Variants in WWOX observed in about 807,000 individuals in gnomAD.
The protein encoded by WWOX is WW domain containing oxidoreductase.
Under a neutral mutation model 46.2 loss-of-function variants are expected in WWOX, and 69 were observed. The observed-to-expected ratio is 1.49, with a 90% confidence interval of 1.23 to 1.82. The LOEUF (loss-of-function observed/expected upper bound fraction) is 1.82, where lower values mean the gene tolerates loss of function less well. Ranked by LOEUF, WWOX falls within the 40% of genes most tolerant of loss-of-function variation. WWOX has a pLI of 0.00. For missense variants in WWOX, 919 were observed against 542.6 expected (o/e 1.69, Z -6.89); for synonymous variants, 359 against 202.6 (o/e 1.77, Z -6.56).
At chr16:79,051,251 G>T (rs981342169) in intron 8 of WWOX, among the ~76,000 whole-genome samples, 2 of 152,300 alleles carry the variant, frequency 1.3e-5, no homozygotes, top group Admixed American at 1.3e-4. Flanking sequence ...TTTTTCTTGG[G>T]AAGTGGACTC....
At chr16:78,890,845 G>A (rs1304152824) in intron 8 of WWOX, 3 of 152,184 alleles carry the variant, frequency 2.0e-5, no homozygotes, top group African/African-American at 7.2e-5. Flanking sequence ...TTAGTAAAAT[G>A]CGTTCATAGC....
intron 8 of WWOX, among the ~76,000 whole-genome samples, chr16:78,828,924 G>A (rs78779807): frequency 5.9e-5 from 9 of 152,258 alleles, no homozygotes; most frequent in African/African-American, 2.2e-4. Flanking sequence ...TAGAGATAAG[G>A]TAATCAAAAC....
chr16:78,503,831 C>A (rs1258232868), intron 8 of WWOX: 2 of 152,180 alleles, frequency 1.3e-5, no homozygotes, highest in African/African-American at 4.8e-5. Flanking sequence ...TCTTTTTCCT[C>A]TCTAGCAAAC....
rs574929214 is a variant in WWOX at position 78,454,485 on chromosome 16, G to GTT, written c.1056+21734_1056+21735insTT. Among the ~76,000 whole-genome samples, 52 of 145,814 alleles carry GTT rather than the reference G, an allele frequency of 3.6e-4. No homozygotes were observed. In the South Asian group the frequency reaches 0.011, roughly 31 times the overall value. On this transcript the variant is annotated intron_variant, in intron 8 of 8. Coordinates refer to ENST00000566780, the MANE Select transcript of WWOX (RefSeq NM_016373.4). ...TTTTTTTCCCCTAGGTTGTGTTTTT[G>GTT]TGTTTTTGTTTGTTTGTTTGTTTCT...
chr16:78,253,746 C>T (rs2038045523), intron 5 of WWOX, among the ~76,000 whole-genome samples: 1 of 152,108 alleles, frequency 6.6e-6, no homozygotes, highest in Admixed American at 6.6e-5. Context: ...CTTAGAGCAG[C>T]ATAAACAACA....
intron 8 of WWOX, among the ~76,000 whole-genome samples, chr16:78,669,943 T>C (rs148578030): frequency 6.6e-6 from 1 of 152,288 alleles, no homozygotes; most frequent in Non-Finnish European, 1.5e-5. Flanking sequence ...ATAGAACAAG[T>C]CCTCTCAAAA....
At chr16:78,398,600 A>T (rs896781781) in intron 6 of WWOX, among the ~76,000 whole-genome samples, 1 of 152,260 alleles carries the variant, frequency 6.6e-6, no homozygotes, top group South Asian at 2.1e-4. Flanking sequence ...TACTTCGGGG[A>T]TGCTTTTTTC....
At chr16:79,049,675 A>G (rs545517034) in intron 8 of WWOX, among the ~76,000 whole-genome samples, 1 of 152,170 alleles carries the variant, frequency 6.6e-6, no homozygotes, top group African/African-American at 2.4e-5. Context: ...GTCTCTACTA[A>G]AAATACAAAA....
At chr16:78,626,548 C>A (rs1189155523) in intron 8 of WWOX, among the ~76,000 whole-genome samples, 4 of 152,182 alleles carry the variant, frequency 2.6e-5, no homozygotes, top group Non-Finnish European at 5.9e-5. Context: ...ATTCCACCTT[C>A]ATCATGACTC....
intron 8 of WWOX, among the ~76,000 whole-genome samples, chr16:78,840,518 A>G (rs2052110296): frequency 6.6e-6 from 1 of 152,214 alleles, no homozygotes; most frequent in African/African-American, 2.4e-5. Context: ...CTACAGAGCC[A>G]GTGGTTTATT....
chr16:78,829,802 A>G (rs1356245636), intron 8 of WWOX, among the ~76,000 whole-genome samples: 1 of 151,980 alleles, frequency 6.6e-6, no homozygotes, highest in Non-Finnish European at 1.5e-5. Context: ...CAAAATTGGA[A>G]CTCCTAATTC....
intron 3 of WWOX, among the ~76,000 whole-genome samples, chr16:78,110,779 G>A (rs950549058): frequency 1.3e-5 from 2 of 152,244 alleles, no homozygotes; most frequent in African/African-American, 4.8e-5. Flanking sequence ...CTAGCTTACT[G>A]CCAGTGACAC....
chr16:78,665,833 C>G (rs1376589827), intron 8 of WWOX, among the ~76,000 whole-genome samples: 1 of 152,128 alleles, frequency 6.6e-6, no homozygotes, highest in East Asian at 1.9e-4. Context: ...TACAGGCATG[C>G]ACCACCATGC....
intron 8 of WWOX, among the ~76,000 whole-genome samples, chr16:78,787,108 A>C (rs1470701294): frequency 6.6e-6 from 1 of 152,204 alleles, no homozygotes; most frequent in Non-Finnish European, 1.5e-5. Context: ...AGATTGCACC[A>C]CTGGACTCCA....
In WWOX at chr16:78,771,578, C is replaced by T. The variant is rs373639624; in HGVS notation, c.1056+338826C>T. ...CTTGAGGTCAGGAGTTCGAGACCAG[C>T]CTGGCCAGCATGGTGAAACCCCGTT... On this transcript the variant is annotated intron_variant, in intron 8 of 8. Coordinates refer to ENST00000566780, the MANE Select transcript of WWOX (RefSeq NM_016373.4). 1.5e-3 allele frequency among the ~76,000 whole-genome samples: 222 copies of T among 152,152 alleles called. 1 individual carries two copies. Among genetic ancestry groups the T allele is most frequent in the African/African-American group, 4.7e-3 (196 of 41,504 alleles).
At chr16:79,085,204 T>C (rs2048832478) in intron 8 of WWOX, among the ~76,000 whole-genome samples, 1 of 152,248 alleles carries the variant, frequency 6.6e-6, no homozygotes, top group Non-Finnish European at 1.5e-5. Context: ...TCTCTCTCTC[T>C]TTCTCTCACT....
chr16:78,440,574 A>G (rs1434575080), intron 8 of WWOX, among the ~76,000 whole-genome samples: 1 of 151,888 alleles, frequency 6.6e-6, no homozygotes, highest in Non-Finnish European at 1.5e-5. Flanking sequence ...TCTTCATAAC[A>G]TTGAACACAA....
chr16:78,503,088 G>C (rs1480496174), intron 8 of WWOX, among the ~76,000 whole-genome samples: 1 of 152,168 alleles, frequency 6.6e-6, no homozygotes, highest in Non-Finnish European at 1.5e-5. Context: ...ATATGTTGCT[G>C]ACTGTTTTTG....
chr16:78,759,926 C>A (rs1567541547), intron 8 of WWOX, among the ~76,000 whole-genome samples: 1 of 152,176 alleles, frequency 6.6e-6, no homozygotes, highest in Non-Finnish European at 1.5e-5. Flanking sequence ...CTAATCTCTG[C>A]TTTCACTATC....
Sources: allele counts gnomAD v4.1 joint callset (sites outside exome capture counted in the v4.1 genomes callset), GRCh38; gene constraint gnomAD v4.1.1; transcripts MANE v1.5; gene names NCBI Gene and HGNC (gene_info 2026-07-23, HGNC 2026-07-21).